BCKDHB: variants seen among roughly 807,000 people sequenced by gnomAD.
BCKDHB encodes the protein 2-oxoisovalerate dehydrogenase subunit beta, mitochondrial.
In BCKDHB, 41 loss-of-function variants were observed where a neutral mutation model predicts 48.5. That is an observed-to-expected ratio of 0.85 (90% CI 0.66 to 1.10). BCKDHB has a LOEUF of 1.10. Ranked by LOEUF, BCKDHB falls within the 50% of genes least tolerant of loss-of-function variation. The pLI is 0.00. For synonymous variants in BCKDHB, 201 were observed against 174.8 expected (o/e 1.15, Z -1.18); for missense variants, 496 against 494.2 (o/e 1.00, Z -0.03).
At chr6:80,251,327 G>A (rs887989277) in intron 8 of BCKDHB, among the ~76,000 whole-genome samples, 11 of 152,154 alleles carry the variant, frequency 7.2e-5, no homozygotes, top group African/African-American at 2.4e-4. Flanking sequence ...CCATGCAAAT[G>A]GAGCAAATTA....
intron 8 of BCKDHB, among the ~76,000 whole-genome samples, chr6:80,269,812 A>G (rs1231990315): frequency 6.6e-6 from 1 of 152,112 alleles, no homozygotes; most frequent in Non-Finnish European, 1.5e-5. Flanking sequence ...ACAATTATTT[A>G]TCTTAAAAAG....
intron 6 of BCKDHB, among the ~76,000 whole-genome samples, chr6:80,185,417 C>G (rs1717827390): frequency 6.6e-6 from 1 of 152,088 alleles, no homozygotes; most frequent in South Asian, 2.1e-4. Context: ...AATTCCTTAT[C>G]TGGCAATCAG....
intron 9 of BCKDHB, among the ~76,000 whole-genome samples, chr6:80,284,055 C>T (rs138381363): frequency 1.3e-3 from 202 of 152,012 alleles, no homozygotes; most frequent in African/African-American, 4.8e-3. Flanking sequence ...TTTGTCATGC[C>T]CTTTGTAGGC....
intron 6 of BCKDHB, among the ~76,000 whole-genome samples, chr6:80,194,259 G>T (rs561922533): frequency 6.6e-6 from 1 of 151,902 alleles, no homozygotes; most frequent in South Asian, 2.1e-4. Flanking sequence ...TTTTTATTTC[G>T]AAATAGTTCA....
intron 8 of BCKDHB, among the ~76,000 whole-genome samples, chr6:80,248,930 ATG>A (rs1215589516): frequency 8.5e-5 from 10 of 118,128 alleles, no homozygotes; most frequent in Admixed American, 2.5e-4. Flanking sequence ...GTGTGTGTGT[ATG>A]TGTATTGTGT....
intron 3 of BCKDHB, among the ~76,000 whole-genome samples, chr6:80,141,895 C>T (rs1053626843): frequency 6.6e-6 from 1 of 152,076 alleles, no homozygotes; most frequent in Non-Finnish European, 1.5e-5. Flanking sequence ...TTTCCCAAAC[C>T]TGATTCTTAG....
intron 1 of BCKDHB, 132 bp downstream of exon 1, chr6:80,107,021 C>G: frequency 8.5e-7 from 1 of 1,181,488 alleles, no homozygotes; most frequent in Non-Finnish European, 1.2e-6. Context: ...CTCTCTGGAA[C>G]CTCCTTGCCT....
the BCKDHB span, among the ~76,000 whole-genome samples, chr6:80,384,785 T>C: frequency 6.6e-6 from 1 of 152,294 alleles, no homozygotes; most frequent in Non-Finnish European, 1.5e-5. Context: ...TCTTATTAGT[T>C]CTGTCCCTCT....
the BCKDHB span, among the ~76,000 whole-genome samples, chr6:80,428,853 T>C: frequency 1.3e-5 from 2 of 152,234 alleles, no homozygotes; most frequent in Non-Finnish European, 2.9e-5. Context: ...TTTCTTTTGC[T>C]GTGCAGAAGC....
intron 5 of BCKDHB, chr6:80,169,824 G>T (rs369735749): frequency 6.2e-7 from 1 of 1,608,390 alleles, no homozygotes; most frequent in African/African-American, 1.3e-5. Flanking sequence ...AAAGTTATAA[G>T]CTTATCTTAG....
chr6:80,213,856 G>A (rs1408097476), intron 8 of BCKDHB, among the ~76,000 whole-genome samples: 1 of 151,956 alleles, frequency 6.6e-6, no homozygotes, highest in Non-Finnish European at 1.5e-5. Context: ...GGTACATATT[G>A]GGCATCTCTA....
At chr6:80,267,933 C>A (rs1328528803) in intron 8 of BCKDHB, among the ~76,000 whole-genome samples, 1 of 151,970 alleles carries the variant, frequency 6.6e-6, no homozygotes, top group East Asian at 1.9e-4. Flanking sequence ...TTTAGTTTTT[C>A]TTGGTTTACA....
intron 8 of BCKDHB, among the ~76,000 whole-genome samples, chr6:80,252,573 A>G (rs1400959748): frequency 6.6e-6 from 1 of 152,194 alleles, no homozygotes; most frequent in African/African-American, 2.4e-5. Flanking sequence ...GATTATGTTT[A>G]AAAGCATTGA....
intron 3 of BCKDHB, among the ~76,000 whole-genome samples, chr6:80,151,063 T>C (rs972559556): frequency 6.6e-6 from 1 of 152,322 alleles, no homozygotes; most frequent in South Asian, 2.1e-4. Flanking sequence ...TTCACATGTA[T>C]TTTACCTAAG....
chr6:80,407,048 G>A, the BCKDHB span, among the ~76,000 whole-genome samples: 11 of 152,218 alleles, frequency 7.2e-5, no homozygotes, highest in East Asian at 7.7e-4. Context: ...TGTAAGGAAC[G>A]GATCTAGTTT....
the BCKDHB span, among the ~76,000 whole-genome samples, chr6:80,436,348 G>C: frequency 6.6e-5 from 10 of 151,742 alleles, no homozygotes. Flanking sequence ...ATTTTTAGTA[G>C]AGATGGGGTT....
chr6:80,398,300 T>TA, the BCKDHB span, among the ~76,000 whole-genome samples: 29 of 150,644 alleles, frequency 1.9e-4, no homozygotes, highest in East Asian at 5.9e-4. Flanking sequence ...ATTGGTTTAT[T>TA]AAAAAAAAAT....
At chr6:80,416,894 A>G in the BCKDHB span, among the ~76,000 whole-genome samples, 1 of 151,664 alleles carries the variant, frequency 6.6e-6, no homozygotes, top group Non-Finnish European at 1.5e-5. Context: ...TTGATGCTGT[A>G]CTATGCTCTG....
In BCKDHB at chr6:80,293,666, G is replaced by C. The variant is rs558919943; in HGVS notation, c.1038+20445G>C. On this transcript the variant is annotated intron_variant, in intron 9 of 9. Coordinates refer to ENST00000320393, the MANE Select transcript of BCKDHB (RefSeq NM_183050.4). ...GCTTGAATTTCTCCCCAGGAAATGG[G>C]TTTTTCTTTTCTATTGCATTGTCAG... Among the ~76,000 whole-genome samples the C allele has an allele frequency of 2.0e-5, 3 of 152,274 alleles. No individual in the cohort carries two copies. In the East Asian group the frequency reaches 5.8e-4, roughly 29 times the overall value.
Sources: allele counts gnomAD v4.1 joint callset (sites outside exome capture counted in the v4.1 genomes callset), GRCh38; gene constraint gnomAD v4.1.1; transcripts MANE v1.5; gene names NCBI Gene and HGNC (gene_info 2026-07-23, HGNC 2026-07-21).